Variants in STK35 observed in about 807,000 individuals in gnomAD.
The protein encoded by STK35 is serine/threonine-protein kinase 35.
A neutral mutation model predicts 37.3 loss-of-function variants in STK35; 17 were observed. The observed-to-expected ratio is 0.46, with a 90% CI of 0.31 to 0.68. The LOEUF (loss-of-function observed/expected upper bound fraction) is 0.68. Ranked by LOEUF, STK35 falls within the 30% of genes least tolerant of loss-of-function variation. The pLI, the probability that STK35 is intolerant of heterozygous loss-of-function variation, is 0.05. For missense variants in STK35, 595 were observed against 746.7 expected (o/e 0.80, Z 2.37); for synonymous variants, 385 against 319.1 (o/e 1.21, Z -2.20).
Position 2,102,862 on chromosome 20 carries a change from C to G in STK35, c.389C>G (p.Pro130Arg). 1 of 1,556,538 alleles carries G rather than the reference C, an allele frequency of 6.4e-7. No homozygotes were observed. The highest frequency in any genetic ancestry group is 8.6e-7 in the Non-Finnish European group (1 of 1,159,548). ...GCAGCGCCGTTGCTGCTCCCCCCGCCGCCCGCAGCCATGGAAACGGGGAAG... is the reference window on the plus strand; with the variant it reads ...GCAGCGCCGTTGCTGCTCCCCCCGCGGCCCGCAGCCATGGAAACGGGGAAG... ...ARAAPLLLPP[P>R]PAAMETGKDG... The change falls in exon 2 of 4, where the codon CCG becomes CGG. Residue 130 changes from proline (P) to arginine (R), a missense_variant. Physicochemically the swap from Pro to Arg is moderately radical, Grantham distance 103 (BLOSUM62 -2). Transcript: ENST00000381482.
At chr20:2,143,063 G>A (rs1281993789) in intron 3 of STK35, among the ~76,000 whole-genome samples, 1 of 152,202 alleles carries the variant, frequency 6.6e-6, no homozygotes, top group African/African-American at 2.4e-5. Flanking sequence ...AGCCTGTGAC[G>A]CAGGTACAGG....
chr20:2,122,392 T>C (rs1023257994), intron 3 of STK35, among the ~76,000 whole-genome samples: 1 of 152,100 alleles, frequency 6.6e-6, no homozygotes, highest in African/African-American at 2.4e-5. Flanking sequence ...ACCACCAAGA[T>C]GAAAAAACAC....
intron 3 of STK35, among the ~76,000 whole-genome samples, chr20:2,133,655 C>T (rs1986036230): frequency 6.6e-6 from 1 of 152,192 alleles, no homozygotes; most frequent in Non-Finnish European, 1.5e-5. Context: ...CAGTGTGCAG[C>T]CCTGCCTGCT....
At chr20:2,123,917 C>T (rs140453965) in intron 3 of STK35, among the ~76,000 whole-genome samples, 12 of 152,196 alleles carry the variant, frequency 7.9e-5, no homozygotes, top group East Asian at 3.9e-4. Context: ...AGGGCAGCAG[C>T]GCCAAAGATG....
At position 2,102,972 on chromosome 20, in the gene STK35, G is replaced by A. The variant is rs1186234024; in HGVS notation, c.499G>A (p.Ala167Thr). ...GGCGCCCAGCACGAAGCTGAGGCCG[G>A]CGGCGGCGGCCCGGGCCATGGATCC... is the stretch of plus-strand genomic sequence containing the variant. ...PRAPSTKLRP[A>T]AAARAMDPVA... The change falls in exon 2 of 4, where the codon GCG becomes ACG. Residue 167 changes from alanine (A) to threonine (T), a missense_variant. This residue lies in a region of STK35 where 389 missense variants were observed against 320.0 expected (regional missense o/e 1.22). Transcript: ENST00000381482. 3 of 1,423,572 alleles carry A rather than the reference G, an allele frequency of 2.1e-6. No homozygotes were observed. The highest frequency in any genetic ancestry group is 6.0e-5 in the East Asian group (2 of 33,220). 88.2% of individuals were successfully genotyped at this position (1,423,572 alleles called of 1,614,324 possible). A position where few individuals can be genotyped will look rare whatever the true frequency, so the allele number is the denominator to read the frequency against.
At chr20:2,121,401 G>A (rs1985814305) in intron 3 of STK35, among the ~76,000 whole-genome samples, 1 of 152,144 alleles carries the variant, frequency 6.6e-6, no homozygotes, top group Non-Finnish European at 1.5e-5. Context: ...TGAGAGAAAG[G>A]AATTAATCAT....
intron 2 of STK35, among the ~76,000 whole-genome samples, chr20:2,104,164 A>C (rs1027115794): frequency 2.6e-5 from 4 of 152,260 alleles, no homozygotes; most frequent in Middle Eastern, 3.4e-3. Flanking sequence ...TCCGGGTTTT[A>C]ACTGCAGTTA....
At chr20:2,111,971 G>A (rs1248305679) in intron 2 of STK35, among the ~76,000 whole-genome samples, 3 of 152,106 alleles carry the variant, frequency 2.0e-5, no homozygotes, top group African/African-American at 4.8e-5. Flanking sequence ...TGGCAGATCC[G>A]GGCCCGCTTC....
At chr20:2,118,406 C>G (rs1179891001) in intron 3 of STK35, among the ~76,000 whole-genome samples, 2 of 136,332 alleles carry the variant, frequency 1.5e-5, no homozygotes, top group African/African-American at 3.0e-5. Flanking sequence ...CAGTGAAACC[C>G]CATCTTTACT....
Position 2,102,105 on chromosome 20 carries a change from G to C in STK35, c.224G>C (p.Gly75Ala). 4 of 1,460,074 alleles carry C rather than the reference G, an allele frequency of 2.7e-6. No individual in the cohort carries two copies. Among genetic ancestry groups the C allele is most frequent in the South Asian group, 2.6e-5 (2 of 77,724 alleles). The allele number at this position is 1,460,074 out of a possible 1,614,324, so 90.4% of individuals were successfully genotyped here. ...CGGTCCCGGAGGCAGCCCGGGCCCGGAGCGGACCATCCCCAGGCAGGGGCT... is the reference window on the plus strand; with the variant it reads ...CGGTCCCGGAGGCAGCCCGGGCCCGCAGCGGACCATCCCCAGGCAGGGGCT... ...AARSRRQPGP[G>A]ADHPQAGAPG... Residue 75 changes from glycine (G) to alanine (A), a missense_variant, in exon 1 of 4, where the codon GGA becomes GCA. Coordinates refer to ENST00000381482, the MANE Select transcript of STK35 (RefSeq NM_080836.4).
chr20:2,138,722 A>C (rs1224073297), intron 3 of STK35, among the ~76,000 whole-genome samples: 1 of 152,176 alleles, frequency 6.6e-6, no homozygotes. Flanking sequence ...TTCATCAAAG[A>C]AATGATGTTT....
rs1247661684 is a variant in STK35, at chr20:2,145,148, C to T, written c.*1402C>T. 1 of 152,352 alleles carries T rather than the reference C, an allele frequency of 6.6e-6. No homozygotes were observed. Among genetic ancestry groups the T allele is most frequent in the East Asian group, 1.9e-4 (1 of 5,180 alleles). The allele number at this position is 152,352 out of a possible 1,614,324, so 9.4% of individuals were successfully genotyped here. On this transcript the variant is annotated 3_prime_UTR_variant, in exon 4 of 4. Transcript: ENST00000381482. ...CTCTCCAGCGACACTCTCGCACCTC[C>T]CTAGGGGAAGCTTCCCTCCCCCTGG...
intron 3 of STK35, among the ~76,000 whole-genome samples, chr20:2,119,935 C>T (rs1295380719): frequency 6.6e-6 from 1 of 152,180 alleles, no homozygotes; most frequent in African/African-American, 2.4e-5. Flanking sequence ...AGGTTTAATT[C>T]TTTCATTCTA....
chr20:2,111,724 A>T (rs1185608029), intron 2 of STK35, among the ~76,000 whole-genome samples: 1 of 152,224 alleles, frequency 6.6e-6, no homozygotes, highest in Non-Finnish European at 1.5e-5. Flanking sequence ...AAAATGTATT[A>T]AGAACTTTCA....
chr20:2,113,407 A>G (rs948097006), intron 2 of STK35, among the ~76,000 whole-genome samples: 6 of 152,218 alleles, frequency 3.9e-5, no homozygotes, highest in Non-Finnish European at 7.4e-5. Context: ...TTACTGGGAA[A>G]TCAAGTGAGT....
chr20:2,108,642 A>G (rs1985561845), intron 2 of STK35, among the ~76,000 whole-genome samples: 1 of 152,002 alleles, frequency 6.6e-6, no homozygotes, highest in Non-Finnish European at 1.5e-5. Flanking sequence ...TCTCTGCTCT[A>G]CTCTTGAATG....
At chr20:2,141,436 T>C (rs904089074) in intron 3 of STK35, among the ~76,000 whole-genome samples, 4 of 151,936 alleles carry the variant, frequency 2.6e-5, no homozygotes, top group Non-Finnish European at 1.5e-5. Flanking sequence ...GAGCAGGGAG[T>C]CACATAGTCT....
rs1985400754 is a variant in STK35 at position 2,102,083 on chromosome 20, T to G, written c.202T>G (p.Ser68Ala). Residue 68 changes from serine to alanine, a missense_variant, in exon 1 of 4, where the codon TCC (serine) becomes GCC (alanine). Transcript: ENST00000381482. The stretch of plus-strand genomic sequence containing the variant: ...GGCCGCCACCTCCCGCGCTGCTCGG[T>G]CCCGGAGGCAGCCCGGGCCCGGAGC... ...ARAATSRAAR[S>A]RRQPGPGADH... The G allele has an allele frequency of 6.6e-7, 1 of 1,504,016 alleles. No homozygotes were observed. The allele number at this position is 1,504,016 out of a possible 1,614,324, so 93.2% of individuals were successfully genotyped here.
intron 3 of STK35, among the ~76,000 whole-genome samples, chr20:2,140,582 C>T (rs6137102): frequency 0.26 from 39,857 of 151,938 alleles, 6,848 homozygotes; most frequent in East Asian, 0.92. Flanking sequence ...AAAAGAACCC[C>T]AAGCCAAGAT....
Sources: allele counts gnomAD v4.1 joint callset (sites outside exome capture counted in the v4.1 genomes callset), GRCh38; gene constraint gnomAD v4.1.1; regional missense constraint gnomAD v4.1.1; transcripts MANE v1.5; gene names NCBI Gene and HGNC (gene_info 2026-07-23, HGNC 2026-07-21).